HTRA3: variants seen among roughly 807,000 people sequenced by gnomAD.
HTRA3 encodes serine protease HTRA3.
In HTRA3, 41 loss-of-function variants were observed where a neutral mutation model predicts 43.2. The observed-to-expected ratio is 0.95, with a 90% CI of 0.74 to 1.23. The LOEUF (loss-of-function observed/expected upper bound fraction) is 1.23, where lower values mean the gene tolerates loss of function less well. Ranked by LOEUF, HTRA3 falls within the 50% of genes most tolerant of loss-of-function variation. The probability of loss-of-function intolerance (pLI) is 0.00; values close to 1 mark genes in which losing one functional copy is unlikely to be tolerated. For missense variants in HTRA3, 628 were observed against 647.1 expected, an observed-to-expected ratio of 0.97 and a Z score of 0.32; for synonymous variants, 295 against 287.9, an observed-to-expected ratio of 1.02 and a Z score of -0.25.
At position 8,306,330 on chromosome 4, in the gene HTRA3, C is replaced by T. The variant is rs1211123184; in HGVS notation, c.*194C>T. On this transcript the variant is annotated 3_prime_UTR_variant, in exon 9 of 9. Transcript: ENST00000307358. This position sits in a 1 kb window ranked among gnomAD's most constrained non-coding sequence, Gnocchi z 8.9. ...CCTGGGGAGTGTTGGATCCACATCC[C>T]GGTGCCGGGGAGGGAAGCCCAACAT... 8 of 569,182 alleles carry T rather than the reference C, an allele frequency of 1.4e-5. No individual in the cohort carries two copies. Among genetic ancestry groups the T allele is most frequent in the Admixed American group, 6.9e-5 (2 of 28,802 alleles). The allele number at this position is 569,182 out of a possible 1,614,324, so 35.3% of individuals were successfully genotyped here.
At chr4:8,283,832 C>T (rs1712852878) in intron 2 of HTRA3, among the ~76,000 whole-genome samples, 1 of 152,190 alleles carries the variant, frequency 6.6e-6, no homozygotes, top group African/African-American at 2.4e-5. Flanking sequence ...CTAGGCCCGG[C>T]CCTGGGGACT....
At position 8,286,581 on chromosome 4, in the gene HTRA3, A is replaced by G; in HGVS notation, c.506A>G (p.Asn169Ser). 6.2e-7 allele frequency: 1 copy of G among 1,613,922 alleles called. No homozygotes were observed. Among genetic ancestry groups the G allele is most frequent in the Non-Finnish European group, 8.5e-7 (1 of 1,180,016 alleles). ...LFLRHPLFGR[N>S]VPLSSGSGFI... ...TGCAGACACCCGCTGTTTGGCCGCA[A>G]CGTGCCCCTGTCCAGCGGTTCTGGC... The change falls in exon 3 of 9, where the codon AAC (asparagine) becomes AGC (serine). Residue 169 changes from asparagine (N) to serine (S), a missense_variant. Transcript: ENST00000307358. The surrounding 1 kb of genome is among the most constrained non-coding windows in gnomAD (Gnocchi z 4.9).
At chr4:8,305,207 T>C (rs932461213) in intron 8 of HTRA3, among the ~76,000 whole-genome samples, 2 of 152,246 alleles carry the variant, frequency 1.3e-5, no homozygotes, top group African/African-American at 4.8e-5. Flanking sequence ...CCGACTGTAC[T>C]GTGCATCCTC....
intron 1 of HTRA3, among the ~76,000 whole-genome samples, chr4:8,274,507 C>T (rs930271543): frequency 3.3e-5 from 5 of 152,254 alleles, no homozygotes; most frequent in African/African-American, 7.2e-5. Context: ...GTAGATGACA[C>T]GAAATGAGAC....
At chr4:8,277,251 C>A (rs571180021) in intron 1 of HTRA3, among the ~76,000 whole-genome samples, 1 of 152,278 alleles carries the variant, frequency 6.6e-6, no homozygotes, top group East Asian at 1.9e-4. Context: ...GGAGGAAAAG[C>A]AAAGGAAGCT....
rs1712180188 is a variant in HTRA3 at position 8,270,004 on chromosome 4, C to T, written c.36C>T (p.Ala12=). The stretch of plus-strand genomic sequence containing the variant: ...GAGCGCTGCTCCTGGCCGCGTTGGC[C>T]GCGCTGGCGCTGGCCCGGGAGCCCC... ...QARALLLAAL[A]ALALAREPPA... is the part of the protein sequence containing the mutation. The change falls in exon 1 of 9, where the codon GCC becomes GCT. Residue 12 remains alanine, a synonymous_variant. Coordinates refer to ENST00000307358, the MANE Select transcript of HTRA3 (RefSeq NM_053044.5). 6 of 1,264,104 alleles carry T rather than the reference C, an allele frequency of 4.7e-6. No individual in the cohort carries two copies. Among genetic ancestry groups the T allele is most frequent in the African/African-American group, 1.6e-5 (1 of 63,854 alleles). The allele number at this position is 1,264,104 out of a possible 1,614,324, so 78.3% of individuals were successfully genotyped here. A position where few individuals can be genotyped will look rare whatever the true frequency, so the allele number is the denominator to read the frequency against.
chr4:8,305,884 C>T lies in HTRA3; in HGVS notation c.1197-87C>T, dbSNP rs1188141244. ...ACTTTTGTTGAAATGTTGTCATTGA[C>T]CCTGACTGTGCCTCGCTCTGGGCCG... is the stretch of plus-strand genomic sequence containing the variant. On this transcript the variant is annotated intron_variant, in intron 8 of 8. Transcript: ENST00000307358. The T allele has an allele frequency of 4.8e-6, 7 of 1,449,552 alleles. No individual in the cohort carries two copies. The Admixed American group carries it at 1.2e-4, about 25-fold the overall frequency. 89.8% of individuals were successfully genotyped at this position (1,449,552 alleles called of 1,614,324 possible). A position where few individuals can be genotyped will look rare whatever the true frequency, so the allele number is the denominator to read the frequency against.
At chr4:8,274,590 C>T (rs1000112930) in intron 1 of HTRA3, among the ~76,000 whole-genome samples, 2 of 152,240 alleles carry the variant, frequency 1.3e-5, no homozygotes, top group South Asian at 2.1e-4. Context: ...GACAGAGGCT[C>T]ACCACTTCTC....
Position 8,304,213 on chromosome 4 carries a change from C to A in HTRA3, c.1130C>A (p.Pro377Gln). The change falls in exon 8 of 9, where the codon CCG (proline) becomes CAG (glutamine). Residue 377 changes from proline (P) to glutamine (Q), a missense_variant. By Grantham distance (76) the Pro-to-Gln change is moderately conservative. Coordinates refer to ENST00000307358, the MANE Select transcript of HTRA3 (RefSeq NM_053044.5). ...GTGGATGAGCTGAAGGCCAGCAACC[C>A]GGACTTCCCAGAGGTCAGCAGTGGA... The part of the protein sequence containing the change: ...SLVDELKASN[P>Q]DFPEVSSGIY... 1 of 1,614,142 alleles carries A rather than the reference C, an allele frequency of 6.2e-7. No homozygotes were observed. The highest frequency in any genetic ancestry group is 8.5e-7 in the Non-Finnish European group (1 of 1,180,000).
chr4:8,299,594 C>T (rs555550610), intron 6 of HTRA3, among the ~76,000 whole-genome samples: 6 of 152,088 alleles, frequency 3.9e-5, no homozygotes, highest in Non-Finnish European at 8.8e-5. Context: ...CCATTAAGTA[C>T]GGTGCTAGCT....
Position 8,292,342 on chromosome 4 carries a change from C to A in HTRA3, c.925C>A (p.Leu309Met). ...GCAGTACGGGAACTCCGGGGGACCA[C>A]TGGTGAACCTGGTAAGTGTCCCCTA... ...IINYGNSGGP[L>M]VNLDGEVIGI... Residue 309 changes from leucine (L) to methionine (M), a missense_variant, in exon 5 of 9, where the codon CTG becomes ATG. Coordinates refer to ENST00000307358, the MANE Select transcript of HTRA3 (RefSeq NM_053044.5). The A allele has an allele frequency of 1.9e-6, 3 of 1,613,198 alleles. No homozygotes were observed. Among genetic ancestry groups the A allele is most frequent in the African/African-American group, 1.3e-5 (1 of 75,052 alleles).
At chr4:8,276,621 A>C (rs1712534670) in intron 1 of HTRA3, among the ~76,000 whole-genome samples, 1 of 152,254 alleles carries the variant, frequency 6.6e-6, no homozygotes, top group South Asian at 2.1e-4. Flanking sequence ...ACTGTGCACA[A>C]GGACCAGCCT....
chr4:8,300,589 T>C (rs368950120), intron 6 of HTRA3, among the ~76,000 whole-genome samples: 78 of 152,368 alleles, frequency 5.1e-4, no homozygotes, highest in African/African-American at 1.8e-3. Flanking sequence ...ACCTCTGTAA[T>C]TTGTGATGTT....
chr4:8,291,308 G>A (rs1183036158), intron 3 of HTRA3, 62 bp from the exon 4 acceptor site: 22 of 1,438,440 alleles, frequency 1.5e-5, no homozygotes, highest in South Asian at 9.1e-5. Context: ...ATCTGACTCC[G>A]GTCCCCGCTG....
At chr4:8,277,446 C>T (rs1469666539) in intron 1 of HTRA3, among the ~76,000 whole-genome samples, 2 of 144,952 alleles carry the variant, frequency 1.4e-5, no homozygotes, top group East Asian at 2.0e-4. Context: ...GCCACAGGTA[C>T]ACTCCCAAGG....
intron 1 of HTRA3, among the ~76,000 whole-genome samples, 168 bp downstream of exon 1, chr4:8,270,521 G>A (rs573141245): frequency 6.6e-5 from 10 of 152,332 alleles, no homozygotes; most frequent in African/African-American, 2.2e-4. Flanking sequence ...ACTGAGGCCC[G>A]GAAAGGTAAA....
intron 3 of HTRA3, among the ~76,000 whole-genome samples, chr4:8,287,873 G>A (rs1713060223): frequency 6.6e-6 from 1 of 152,338 alleles, no homozygotes; most frequent in South Asian, 2.1e-4. Context: ...CCTCCAGCTT[G>A]TTCTTGTCTT....
chr4:8,294,529 G>A lies in HTRA3; in HGVS notation c.1051+328G>A, dbSNP rs572567666. On this transcript the variant is annotated intron_variant, in intron 6 of 8. Coordinates refer to ENST00000307358, the MANE Select transcript of HTRA3 (RefSeq NM_053044.5). ...TGGACTCCCTGGGCTCCTCTCATTT[G>A]GGCTGCTCTTTAGTTGTCAGGTGTT... Among the ~76,000 whole-genome samples the A allele has an allele frequency of 2.0e-5, 3 of 146,542 alleles. No individual in the cohort carries two copies. The South Asian group carries it at 6.6e-4, about 32-fold the overall frequency.
At chr4:8,283,934 G>A (rs749400766) in intron 2 of HTRA3, among the ~76,000 whole-genome samples, 3 of 152,208 alleles carry the variant, frequency 2.0e-5, no homozygotes, top group African/African-American at 7.2e-5. Flanking sequence ...TCTGGTCCAA[G>A]CCCCTGTCAC....
Sources: gnomAD v4.1 joint callset for allele counts (sites outside exome capture counted in the v4.1 genomes callset) on GRCh38, gnomAD v4.1.1 for gene constraint, Gnocchi (gnomAD v3.1) non-coding constraint, MANE v1.5 for transcripts, NCBI Gene and HGNC (gene_info 2026-07-23, HGNC 2026-07-21) for gene names.